Variants in SFT2D2 observed in about 807,000 individuals in gnomAD.
SFT2D2 encodes SFT2 domain containing 2.
Under a neutral mutation model 27.4 loss-of-function variants are expected in SFT2D2, and 21 were observed. The ratio of observed to expected loss-of-function variants is 0.77; its 90% CI spans 0.54 to 1.10. SFT2D2 has a LOEUF of 1.10. Among genes scored for constraint, SFT2D2 ranks in the 50% least tolerant of loss-of-function variants. SFT2D2 has a pLI of 0.00. For missense variants in SFT2D2, 187 were observed against 194.2 expected (o/e 0.96, Z 0.22); for synonymous variants, 72 against 71.7 (o/e 1.00, Z -0.02).
chr1:168,230,749 A>G (rs1438459082), intron 1 of SFT2D2, among the ~76,000 whole-genome samples: 9 of 152,156 alleles, frequency 5.9e-5, no homozygotes, highest in Non-Finnish European at 5.9e-5. Context: ...TGCTGGGATT[A>G]CAGGCATGAG....
rs527839858 is a variant in SFT2D2, at chr1:168,241,318, C to G, written c.444-1183C>G. On this transcript the variant is annotated intron_variant, in intron 7 of 7. Transcript: ENST00000271375. ...CAACCTCCTGGCTTCAAGCTGTTCT[C>G]CTGCCTCAGCCTCCATGTGCACGCC... Among the ~76,000 whole-genome samples the G allele has an allele frequency of 1.4e-4, 21 of 145,426 alleles. No individual in the cohort carries two copies. In the South Asian group the frequency reaches 3.5e-3, roughly 24 times the overall value.
intron 7 of SFT2D2, 44 bp from the exon 8 acceptor site, chr1:168,242,457 G>C (rs555244676): frequency 6.2e-7 from 1 of 1,612,480 alleles, no homozygotes; most frequent in East Asian, 2.2e-5. Flanking sequence ...GAGTGCCTTT[G>C]GGGTGATGAC....
At position 168,246,624 on chromosome 1, in the gene SFT2D2, G is replaced by GA. The variant is rs1647820258; in HGVS notation, c.*4087dup. Reference sequence around the variant, plus strand: ...GACGCAATTTATCTACTGTGCCCTGGAAATCAAGCTCTTGGTCTCTTTCTG... The same window carrying GA: ...GACGCAATTTATCTACTGTGCCCTGGAAAATCAAGCTCTTGGTCTCTTTCTG... On this transcript the variant is annotated 3_prime_UTR_variant, in exon 8 of 8. Transcript: ENST00000271375. 1.4e-6 allele frequency: 2 copies of GA among 1,439,232 alleles called. No individual in the cohort carries two copies. The highest frequency in any genetic ancestry group is 2.8e-5 in the African/African-American group (2 of 71,330). The allele number at this position is 1,439,232 out of a possible 1,614,324, so 89.2% of individuals were successfully genotyped here.
In SFT2D2 at chr1:168,248,163, T is replaced by C. The variant is rs1312836424; in HGVS notation, c.*5623T>C. On this transcript the variant is annotated 3_prime_UTR_variant, in exon 8 of 8. Transcript: ENST00000271375. ...AGTTTCTTTTGCTGTGCAGAAGCTC[T>C]TTGGTTTAATTAGATCTCATTTTGT... 1 of 152,258 alleles carries C rather than the reference T, an allele frequency of 6.6e-6. No homozygotes were observed. Among genetic ancestry groups the C allele is most frequent in the African/African-American group, 2.4e-5 (1 of 41,466 alleles). The allele number at this position is 152,258 out of a possible 1,614,324, so 9.4% of individuals were successfully genotyped here. A position where few individuals can be genotyped will look rare whatever the true frequency, so the allele number is the denominator to read the frequency against.
rs1044765136 is a variant in SFT2D2 at position 168,234,068 on chromosome 1, C to G, written c.237-1033C>G. Among the ~76,000 whole-genome samples the G allele has an allele frequency of 2.0e-5, 3 of 152,266 alleles. No individual in the cohort carries two copies. In the South Asian group the frequency reaches 6.2e-4, roughly 32 times the overall value. ...TGACAGTCTGCTTCATTTGTGATTA[C>G]TCTTGCTAGCCATCTCTCAAGTTCA... On this transcript the variant is annotated intron_variant, in intron 3 of 7. Coordinates refer to ENST00000271375, the MANE Select transcript of SFT2D2 (RefSeq NM_199344.3).
At chr1:168,239,108 C>A in intron 6 of SFT2D2, 23 bp from the exon 7 acceptor site, 1 of 1,590,262 alleles carries the variant, frequency 6.3e-7, no homozygotes, top group Non-Finnish European at 8.6e-7. Flanking sequence ...TCATTTGACC[C>A]TTTGTTTTGT....
Position 168,242,537 on chromosome 1 carries a change from A to G in SFT2D2, c.480A>G (p.Ala160=), listed in dbSNP as rs757981219. 6 of 1,614,058 alleles carry G rather than the reference A, an allele frequency of 3.7e-6. No homozygotes were observed. The highest frequency in any genetic ancestry group is 2.7e-5 in the African/African-American group (2 of 74,922). ...AGAAGTGTTTTGCCGTGTGTCTTGC[A>G]TAATTCATGGCCAGTTTTATGAAGC... ...AVKKCFAVCL[A] The change falls in exon 8 of 8, where the codon GCA becomes GCG. Residue 160 remains alanine, a synonymous_variant. Transcript: ENST00000271375.
chr1:168,229,766 TC>T (rs1386654469), intron 1 of SFT2D2: 2 of 151,520 alleles, frequency 1.3e-5, no homozygotes, highest in Non-Finnish European at 2.9e-5. Flanking sequence ...CTCATTTTAT[TC>T]TGTCCTTGGC....
At position 168,250,134 on chromosome 1, in the gene SFT2D2, G is replaced by A. The variant is rs1647917753; in HGVS notation, c.*7594G>A. On this transcript the variant is annotated 3_prime_UTR_variant, in exon 8 of 8. Transcript: ENST00000271375. ...AGGCTTCTGCTTTGCTTTCACTCAC[G>A]GCCTGTGGCCAGTTTGCTCAGACAG... is the stretch of plus-strand genomic sequence containing the variant. 2 of 152,134 alleles carry A rather than the reference G, an allele frequency of 1.3e-5. No individual in the cohort carries two copies. Among genetic ancestry groups the A allele is most frequent in the African/African-American group, 2.4e-5 (1 of 41,432 alleles). The allele number at this position is 152,134 out of a possible 1,614,324, so 9.4% of individuals were successfully genotyped here.
chr1:168,242,666 T>G lies in SFT2D2; in HGVS notation c.*126T>G. 8.6e-7 allele frequency: 1 copy of G among 1,161,036 alleles called. No homozygotes were observed. Among genetic ancestry groups the G allele is most frequent in the Non-Finnish European group, 1.3e-6 (1 of 773,816 alleles). 71.9% of individuals were successfully genotyped at this position (1,161,036 alleles called of 1,614,324 possible). A position where few individuals can be genotyped will look rare whatever the true frequency, so the allele number is the denominator to read the frequency against. On this transcript the variant is annotated 3_prime_UTR_variant, in exon 8 of 8. Coordinates refer to ENST00000271375, the MANE Select transcript of SFT2D2 (RefSeq NM_199344.3). ...TTTTATCTTGCAGCAATGTGTTGCT[T>G]GTGATTCGAACATTTGAGGGTTACT...
In SFT2D2 at chr1:168,235,156, C is replaced by T. The variant is rs140922912; in HGVS notation, c.292C>T (p.Arg98Cys). The change falls in exon 4 of 8, where the codon CGT (arginine) becomes TGT (cysteine). Residue 98 changes from arginine (R) to cysteine (C), a missense_variant. Physicochemically the swap from Arg to Cys is radical, Grantham distance 180. Transcript: ENST00000271375. The part of the protein sequence containing the change: ...KQLKRMFEPT[R>C]LIATIMVLLC... ...GCTGAAGCGAATGTTTGAGCCTACTCGTTTGATTGCAACTATCATGGTGCT... is the reference window on the plus strand; with the variant it reads ...GCTGAAGCGAATGTTTGAGCCTACTTGTTTGATTGCAACTATCATGGTGCT... 67 of 1,614,166 alleles carry T rather than the reference C, an allele frequency of 4.2e-5. No individual in the cohort carries two copies. The highest frequency in any genetic ancestry group is 3.3e-4 in the African/African-American group (25 of 75,058).
chr1:168,232,740 A>C (rs1647359380), intron 3 of SFT2D2, among the ~76,000 whole-genome samples: 1 of 152,198 alleles, frequency 6.6e-6, no homozygotes, highest in Admixed American at 6.5e-5. Context: ...CTGGGCTCAG[A>C]GGATACAAAG....
At chr1:168,234,574 C>A (rs1261847739) in intron 3 of SFT2D2, among the ~76,000 whole-genome samples, 4 of 152,064 alleles carry the variant, frequency 2.6e-5, no homozygotes, top group Non-Finnish European at 5.9e-5. Flanking sequence ...TAATATCTGG[C>A]ATTTAGCAAA....
Position 168,242,609 on chromosome 1 carries a change from T to G in SFT2D2, c.*69T>G. 5 of 1,566,738 alleles carry G rather than the reference T, an allele frequency of 3.2e-6. No individual in the cohort carries two copies. Among genetic ancestry groups the G allele is most frequent in the Non-Finnish European group, 4.4e-6 (5 of 1,136,856 alleles). ...AAGCTGGTGGACAGTTTTGTAACTA[T>G]CTTCGAAACCTCTGTCTTACAGACA... On this transcript the variant is annotated 3_prime_UTR_variant, in exon 8 of 8. Coordinates refer to ENST00000271375, the MANE Select transcript of SFT2D2 (RefSeq NM_199344.3).
In SFT2D2 at chr1:168,246,124, T is replaced by A. The variant is rs1477693211; in HGVS notation, c.*3584T>A. On this transcript the variant is annotated 3_prime_UTR_variant, in exon 8 of 8. Coordinates refer to ENST00000271375, the MANE Select transcript of SFT2D2 (RefSeq NM_199344.3). Reference sequence around the variant, plus strand: ...GTCTCACAACTACTTCTCTTTCTGCTTTCTCTCTTTCATATTGACATTGTT... The same window carrying A: ...GTCTCACAACTACTTCTCTTTCTGCATTCTCTCTTTCATATTGACATTGTT... 3 of 238,086 alleles carry A rather than the reference T, an allele frequency of 1.3e-5. No homozygotes were observed. Among genetic ancestry groups the A allele is most frequent in the African/African-American group, 7.1e-5 (3 of 42,212 alleles). The allele number at this position is 238,086 out of a possible 1,614,324, so 14.7% of individuals were successfully genotyped here. A position where few individuals can be genotyped will look rare whatever the true frequency, so the allele number is the denominator to read the frequency against.
chr1:168,226,155 G>T lies in SFT2D2; in HGVS notation c.63+13G>T, dbSNP rs993459465. On this transcript the variant is annotated intron_variant, in intron 1 of 7. Transcript: ENST00000271375. Reference sequence around the variant, plus strand: ...CGGCCTGTCCGAGGTGAGTGAGCCCGGGGCCGTCGGCCCCCTCTCGCCGCG... The same window carrying T: ...CGGCCTGTCCGAGGTGAGTGAGCCCTGGGCCGTCGGCCCCCTCTCGCCGCG... 3.9e-6 allele frequency: 6 copies of T among 1,526,420 alleles called. No homozygotes were observed. Among genetic ancestry groups the T allele is most frequent in the African/African-American group, 1.4e-5 (1 of 71,006 alleles). The allele number at this position is 1,526,420 out of a possible 1,614,324, so 94.6% of individuals were successfully genotyped here. A position where few individuals can be genotyped will look rare whatever the true frequency, so the allele number is the denominator to read the frequency against.
rs1339512008 is a variant in SFT2D2, at chr1:168,250,208, G to C, written c.*7668G>C. 1 of 152,110 alleles carries C rather than the reference G, an allele frequency of 6.6e-6. No individual in the cohort carries two copies. The highest frequency in any genetic ancestry group is 1.9e-4 in the East Asian group (1 of 5,184). 9.4% of individuals were successfully genotyped at this position (152,110 alleles called of 1,614,324 possible). On this transcript the variant is annotated 3_prime_UTR_variant, in exon 8 of 8. Coordinates refer to ENST00000271375, the MANE Select transcript of SFT2D2 (RefSeq NM_199344.3). ...GCTTTTGCATGACCCTGCCTCCCAG[G>C]GTCTTCCTGCGTTTTTCCTTAAGTT...
At chr1:168,231,775 T>G (rs1007869732) in intron 2 of SFT2D2, 59 bp from the exon 3 acceptor site, 7 of 1,563,838 alleles carry the variant, frequency 4.5e-6, no homozygotes, top group Non-Finnish European at 6.2e-6. Context: ...CTGGGAGCTC[T>G]GCTTGTGTGG....
In SFT2D2 at chr1:168,233,093, C is replaced by T. The variant is rs377679498; in HGVS notation, c.236+1174C>T. ...ATTCCTCAGCACGCATACAGTCAAGCGTCTTTGAGATCTGGCTTCACCGTT... is the reference window on the plus strand; with the variant it reads ...ATTCCTCAGCACGCATACAGTCAAGTGTCTTTGAGATCTGGCTTCACCGTT... On this transcript the variant is annotated intron_variant, in intron 3 of 7. Transcript: ENST00000271375. Among the ~76,000 whole-genome samples the T allele has an allele frequency of 7.2e-5, 11 of 152,300 alleles. 1 individual carries two copies. In the East Asian group the frequency reaches 1.4e-3, roughly 19 times the overall value.
Sources: gnomAD v4.1 joint callset for allele counts (sites outside exome capture counted in the v4.1 genomes callset) on GRCh38, gnomAD v4.1.1 for gene constraint, MANE v1.5 for transcripts, NCBI Gene and HGNC (gene_info 2026-07-23, HGNC 2026-07-21) for gene names.